The following PRKG1 variants were observed in gnomAD, a reference collection of about 807,000 sequenced individuals.
PRKG1 encodes the protein protein kinase cGMP-dependent 1, also known as cGMP-dependent protein kinase 1.
PRKG1 carries 35 observed loss-of-function variants against 88.1 expected under a neutral mutation model. The ratio of observed to expected loss-of-function variants is 0.40; its 90% CI spans 0.30 to 0.53. PRKG1 has a LOEUF of 0.53. Among genes scored for constraint, PRKG1 ranks in the 20% least tolerant of loss-of-function variants. PRKG1 has a pLI of 0.59. For synonymous variants in PRKG1, 303 were observed against 292.5 expected (o/e 1.04, Z -0.37); for missense variants, 540 against 839.8 (o/e 0.64, Z 4.41).
chr10:51,576,189 A>C (rs1200292683), intron 3 of PRKG1, among the ~76,000 whole-genome samples: 1 of 151,988 alleles, frequency 6.6e-6, no homozygotes, highest in African/African-American at 2.4e-5. Context: ...CCCTGATTAC[A>C]GAATTGTGAT....
chr10:51,232,726 A>T (rs1342793650), intron 2 of PRKG1, among the ~76,000 whole-genome samples: 5 of 152,162 alleles, frequency 3.3e-5, no homozygotes, highest in Non-Finnish European at 7.3e-5. Context: ...CATTATGTTT[A>T]AAATTGAGTG....
intron 2 of PRKG1, among the ~76,000 whole-genome samples, chr10:51,309,372 C>T (rs985181899): frequency 2.6e-5 from 4 of 152,066 alleles, no homozygotes; most frequent in African/African-American, 9.7e-5. Flanking sequence ...ATTTACAAGG[C>T]ACTCCTACAA....
chr10:51,235,312 T>C (rs532906501), intron 2 of PRKG1, among the ~76,000 whole-genome samples: 1 of 152,222 alleles, frequency 6.6e-6, no homozygotes, highest in African/African-American at 2.4e-5. Context: ...TTGGACACAA[T>C]GGCAGATTTT....
At chr10:51,006,563 G>A (rs890338792) in intron 1 of PRKG1, among the ~76,000 whole-genome samples, 26 of 152,058 alleles carry the variant, frequency 1.7e-4, no homozygotes, top group African/African-American at 6.0e-4. Flanking sequence ...ATCTAATTTT[G>A]CTCATTGAAA....
chr10:51,173,914 ACT>A, intron 2 of PRKG1, among the ~76,000 whole-genome samples: 1 of 151,826 alleles, frequency 6.6e-6, no homozygotes, highest in East Asian at 1.9e-4. Context: ...ACAACCTAAA[ACT>A]CTATTTTTAA....
intron 2 of PRKG1, among the ~76,000 whole-genome samples, chr10:51,268,209 A>T (rs1039148221): frequency 3.3e-5 from 5 of 152,166 alleles, no homozygotes; most frequent in Non-Finnish European, 1.5e-5. Flanking sequence ...GGGCGAGATC[A>T]CAGGACCACA....
At chr10:51,684,065 A>G (rs147430122) in intron 3 of PRKG1, among the ~76,000 whole-genome samples, 2,068 of 152,322 alleles carry the variant, frequency 0.014, 29 homozygotes, top group Admixed American at 0.021. Flanking sequence ...ATATGTGCAC[A>G]CAAATGTTCA....
chr10:51,529,833 C>G (rs1841974505), intron 3 of PRKG1, among the ~76,000 whole-genome samples: 1 of 152,138 alleles, frequency 6.6e-6, no homozygotes, highest in African/African-American at 2.4e-5. Flanking sequence ...TTATAAAGCT[C>G]TATTTAAATG....
At chr10:52,217,041 G>A (rs998953491) in intron 9 of PRKG1, among the ~76,000 whole-genome samples, 2 of 151,914 alleles carry the variant, frequency 1.3e-5, no homozygotes, top group Middle Eastern at 3.2e-3. Context: ...ATGGTGATGC[G>A]GAAAAACAGC....
intron 1 of PRKG1, among the ~76,000 whole-genome samples, chr10:51,087,227 T>C (rs1196894770): frequency 6.6e-6 from 1 of 152,176 alleles, no homozygotes; most frequent in Non-Finnish European, 1.5e-5. Context: ...TCCAAAGAAA[T>C]CTTTGATAAA....
chr10:51,618,872 A>G (rs1302837783), intron 3 of PRKG1, among the ~76,000 whole-genome samples: 1 of 151,762 alleles, frequency 6.6e-6, no homozygotes, highest in African/African-American at 2.4e-5. Context: ...GGGTTCAAGC[A>G]ATCCTCCCAC....
intron 6 of PRKG1, among the ~76,000 whole-genome samples, chr10:52,060,285 A>G (rs1024862243): frequency 2.6e-5 from 4 of 151,960 alleles, no homozygotes; most frequent in Admixed American, 2.6e-4. Flanking sequence ...AAAAATTAGG[A>G]AAAAATTAAA....
intron 2 of PRKG1, among the ~76,000 whole-genome samples, chr10:51,201,969 A>G (rs918298010): frequency 6.6e-6 from 1 of 152,240 alleles, no homozygotes; most frequent in African/African-American, 2.4e-5. Flanking sequence ...TTATTTCCTT[A>G]TGTAGGCAGG....
intron 5 of PRKG1, among the ~76,000 whole-genome samples, chr10:51,942,296 G>A (rs1168500785): frequency 1.3e-5 from 2 of 151,952 alleles, no homozygotes; most frequent in Non-Finnish European, 2.9e-5. Flanking sequence ...TTTTGATGGG[G>A]TTGTTTGTTT....
intron 9 of PRKG1, among the ~76,000 whole-genome samples, chr10:52,239,520 G>A (rs1840793487): frequency 4.8e-5 from 1 of 20,662 alleles, no homozygotes; most frequent in African/African-American, 1.5e-4. Flanking sequence ...TTTCTACAGT[G>A]TAAAAAAAAA....
At chr10:51,900,945 T>G (rs1439675075) in intron 4 of PRKG1, among the ~76,000 whole-genome samples, 5 of 152,232 alleles carry the variant, frequency 3.3e-5, no homozygotes, top group Non-Finnish European at 7.4e-5. Flanking sequence ...AGAATTAAAT[T>G]TAATAAAATT....
At chr10:51,005,191 T>G (rs1327393669) in intron 1 of PRKG1, among the ~76,000 whole-genome samples, 1 of 152,082 alleles carries the variant, frequency 6.6e-6, no homozygotes, top group East Asian at 1.9e-4. Flanking sequence ...GTAAAATCAT[T>G]TTGGGGGAGG....
At chr10:51,176,997 A>G (rs1402970975) in intron 2 of PRKG1, among the ~76,000 whole-genome samples, 2 of 152,228 alleles carry the variant, frequency 1.3e-5, no homozygotes, top group African/African-American at 4.8e-5. Context: ...GTGAAGACAT[A>G]AAAGAAAACA....
chr10:51,734,046 T>G (rs1385066517), intron 3 of PRKG1, among the ~76,000 whole-genome samples: 3 of 152,170 alleles, frequency 2.0e-5, no homozygotes, highest in Non-Finnish European at 1.5e-5. Context: ...TGATCACCTT[T>G]TTAAAAAAAG....
Sources: allele counts gnomAD v4.1 joint callset (sites outside exome capture counted in the v4.1 genomes callset), GRCh38; gene constraint gnomAD v4.1.1; transcripts MANE v1.5; gene names NCBI Gene and HGNC (gene_info 2026-07-23, HGNC 2026-07-21).